Variants in RAB27A observed in about 807,000 individuals in gnomAD.
The protein encoded by RAB27A is RAB27A, member RAS oncogene family.
Under a neutral mutation model 20.8 loss-of-function variants are expected in RAB27A, and 17 were observed. The ratio of observed to expected loss-of-function variants is 0.82; its 90% confidence interval spans 0.56 to 1.23. The LOEUF is 1.23. RAB27A is among the 50% of genes most tolerant of loss of function. The pLI, the probability that RAB27A is intolerant of heterozygous loss-of-function variation, is 0.00. For missense variants in RAB27A, 277 were observed against 266.7 expected, an observed-to-expected ratio of 1.04 and a Z score of -0.27; for synonymous variants, 85 against 92.8, an observed-to-expected ratio of 0.92 and a Z score of 0.48.
upstream of RAB27A, among the ~76,000 whole-genome samples, chr15:55,291,389 A>G (rs759639627): frequency 2.6e-4 from 39 of 152,024 alleles, no homozygotes; most frequent in Non-Finnish European, 4.3e-4. Context: ...ACGCGCCTGT[A>G]GTCTCAGCTA....
At chr15:55,230,594 G>C in intron 3 of RAB27A, 108 bp from the exon 4 acceptor site, 2 of 813,556 alleles carry the variant, frequency 2.5e-6, no homozygotes, top group Non-Finnish European at 4.2e-6. Context: ...ATTCCAAAGA[G>C]AATGCCATCT....
intron 1 of RAB27A, chr15:55,289,433 C>G (rs1476722957): frequency 1.5e-4 from 23 of 152,414 alleles, no homozygotes; most frequent in Admixed American, 1.5e-3. Flanking sequence ...TTTCCTACCC[C>G]TGATGGGCAT....
In RAB27A at chr15:55,203,279, C is replaced by G; in HGVS notation, c.*2228G>C. The G allele has an allele frequency of 6.6e-6, 1 of 152,196 alleles. No homozygotes were observed. Among genetic ancestry groups the G allele is most frequent in the East Asian group, 1.9e-4 (1 of 5,182 alleles). 9.4% of individuals were successfully genotyped at this position (152,196 alleles called of 1,614,324 possible). ...ACATTCTTATTTTTATGTTTAAAGA[C>G]ATTTAATGTGTTATTCTAACACAAA... On this transcript the variant is annotated 3_prime_UTR_variant, in exon 7 of 7. Coordinates refer to ENST00000336787, the MANE Select transcript of RAB27A (RefSeq NM_183235.3).
At position 55,230,576 on chromosome 15, in the gene RAB27A, C is replaced by T. The variant is rs74015520; in HGVS notation, c.154-90G>A. On this transcript the variant is annotated intron_variant, in intron 3 of 6. Coordinates refer to ENST00000336787, the MANE Select transcript of RAB27A (RefSeq NM_183235.3). ...TTTTGTTCAGTACAAATCCCAAAGG[C>T]ATCTAAAATTCCAAAGAGAATGCCA... The T allele has an allele frequency of 0.011, 11,369 of 1,033,442 alleles. 901 individuals carry two copies. In the African/African-American group the frequency reaches 0.16, roughly 15 times the overall value. The allele number at this position is 1,033,442 out of a possible 1,614,324, so 64.0% of individuals were successfully genotyped here.
At chr15:55,301,645 CTTTT>C (rs754262049) in intron 2 of RAB27A, among the ~76,000 whole-genome samples, 1 of 117,598 alleles carries the variant, frequency 8.5e-6, no homozygotes. Flanking sequence ...CCCTAAAAAT[CTTTT>C]TTTTTTTTTT....
intron 2 of RAB27A, among the ~76,000 whole-genome samples, chr15:55,241,599 T>A (rs998187801): frequency 3.2e-5 from 3 of 92,698 alleles, no homozygotes; most frequent in African/African-American, 1.7e-4. Flanking sequence ...GCAAGACCTA[T>A]TTATATATAT....
rs2055083361 is a variant in RAB27A at position 55,318,529 on chromosome 15, C to G, written c.-234+402G>C. 7.3e-5 allele frequency among the ~76,000 whole-genome samples: 11 copies of G among 150,752 alleles called. No homozygotes were observed. In the South Asian group the frequency reaches 2.3e-3, roughly 31 times the overall value. On this transcript the variant is annotated intron_variant, in intron 1 of 5. Coordinates refer to the RAB27A transcript ENST00000563262. Reference sequence around the variant, plus strand: ...ACCAGCCAGGCCAATATGGTGAAACCCCGTCTCTACAAAAAAACACAAAAA... The same window carrying G: ...ACCAGCCAGGCCAATATGGTGAAACGCCGTCTCTACAAAAAAACACAAAAA...
chr15:55,298,066 A>G (rs1027297839), intron 2 of RAB27A, among the ~76,000 whole-genome samples: 3 of 152,062 alleles, frequency 2.0e-5, no homozygotes, highest in Admixed American at 2.0e-4. Context: ...TTAGCTGGGC[A>G]TGGTGGCAGG....
chr15:55,267,833 C>A (rs907282798), intron 2 of RAB27A, among the ~76,000 whole-genome samples: 1 of 152,100 alleles, frequency 6.6e-6, no homozygotes, highest in South Asian at 2.1e-4. Context: ...CTGAAACAGC[C>A]GCAGAGAGAG....
chr15:55,281,540 C>T (rs1388768202), intron 1 of RAB27A, among the ~76,000 whole-genome samples: 1 of 152,084 alleles, frequency 6.6e-6, no homozygotes. Flanking sequence ...AGTAAAACCC[C>T]ATCTCTATTA....
intron 1 of RAB27A, chr15:55,318,760 A>C (rs2055090862): frequency 6.5e-6 from 1 of 152,824 alleles, no homozygotes; most frequent in Non-Finnish European, 1.5e-5. Flanking sequence ...CAACAACAAA[A>C]AAAATAGGAA....
At chr15:55,318,077 G>A (rs2055069218) in intron 1 of RAB27A, among the ~76,000 whole-genome samples, 1 of 151,122 alleles carries the variant, frequency 6.6e-6, no homozygotes, top group Admixed American at 6.6e-5. Context: ...TGTTCTCAAT[G>A]GTTTTAAATG....
At chr15:55,227,404 TA>T (rs1895853081) in intron 5 of RAB27A, among the ~76,000 whole-genome samples, 1 of 152,136 alleles carries the variant, frequency 6.6e-6, no homozygotes, top group Non-Finnish European at 1.5e-5. Context: ...TAAGAGACCA[TA>T]AACAGCCACT....
At position 55,217,197 on chromosome 15, in the gene RAB27A, CAG is replaced by C. The variant is rs1491201823; in HGVS notation, c.467+6690_467+6691del. 1.3e-3 allele frequency among the ~76,000 whole-genome samples: 196 copies of C among 152,244 alleles called. 1 individual carries two copies. The Middle Eastern group carries it at 0.017, about 13-fold the overall frequency. ...TTTAAAAATCCTTAGACTAATCACT[CAG>C]AGTTTTCTGAGCAATTTGAGGCAGT... On this transcript the variant is annotated intron_variant, in intron 6 of 6. Coordinates refer to ENST00000336787, the MANE Select transcript of RAB27A (RefSeq NM_183235.3).
intron 2 of RAB27A, among the ~76,000 whole-genome samples, chr15:55,266,310 C>A (rs753660575): frequency 3.3e-5 from 5 of 152,192 alleles, no homozygotes; most frequent in African/African-American, 9.7e-5. Context: ...GACTTTCAGC[C>A]TCTAGAACAA....
intron 1 of RAB27A, among the ~76,000 whole-genome samples, chr15:55,280,878 G>T (rs1404174590): frequency 6.6e-6 from 1 of 152,074 alleles, no homozygotes; most frequent in African/African-American, 2.4e-5. Flanking sequence ...TGGTGTATAT[G>T]TGCCACATTT....
At chr15:55,303,471 T>C (rs1366477332) in intron 2 of RAB27A, among the ~76,000 whole-genome samples, 14 of 32,010 alleles carry the variant, frequency 4.4e-4, no homozygotes, top group South Asian at 3.1e-3. Flanking sequence ...CCGCCCCGTC[T>C]GGGAGGTGAG....
At chr15:55,229,615 C>T (rs1895952352) in intron 4 of RAB27A, among the ~76,000 whole-genome samples, 1 of 151,710 alleles carries the variant, frequency 6.6e-6, no homozygotes, top group South Asian at 2.1e-4. Flanking sequence ...GTAGAGGTTG[C>T]GGTGAGCTGA....
rs1894491241 is a variant in RAB27A, at chr15:55,203,475, C to A, written c.*2032G>T. On this transcript the variant is annotated 3_prime_UTR_variant, in exon 7 of 7. Coordinates refer to ENST00000336787, the MANE Select transcript of RAB27A (RefSeq NM_183235.3). ...TGTCGCCCAGGCTGGAGTGCAGTGGCGCAATCTCGGCTCACTGCAAGCTCC... is the reference window on the plus strand; with the variant it reads ...TGTCGCCCAGGCTGGAGTGCAGTGGAGCAATCTCGGCTCACTGCAAGCTCC... The A allele has an allele frequency of 7.0e-6, 1 of 141,884 alleles. No individual in the cohort carries two copies. The highest frequency in any genetic ancestry group is 2.7e-5 in the African/African-American group (1 of 37,474). 8.8% of individuals were successfully genotyped at this position (141,884 alleles called of 1,614,324 possible).
Sources: gnomAD v4.1 joint callset for allele counts (sites outside exome capture counted in the v4.1 genomes callset) on GRCh38, gnomAD v4.1.1 for gene constraint, MANE v1.5 for transcripts, NCBI Gene and HGNC (gene_info 2026-07-23, HGNC 2026-07-21) for gene names.